The following COBLL1 variants were observed in gnomAD, a reference collection of about 807,000 sequenced individuals.
The protein encoded by COBLL1 is cordon-bleu protein-like 1.
Under a neutral mutation model 94.8 loss-of-function variants are expected in COBLL1, and 50 were observed. The observed-to-expected ratio is 0.53, with a 90% CI of 0.42 to 0.67. The LOEUF is 0.67. COBLL1 is among the 30% of genes least tolerant of loss of function. The probability of loss-of-function intolerance (pLI) is 0.00; values close to 1 mark genes in which losing one functional copy is unlikely to be tolerated. For synonymous variants in COBLL1, 448 were observed against 473.8 expected (o/e 0.95, Z 0.71); for missense variants, 1,362 against 1,348.7 (o/e 1.01, Z -0.15).
chr2:164,663,943 A>C (rs981723775), intron 2 of COBLL1, among the ~76,000 whole-genome samples: 2 of 152,218 alleles, frequency 1.3e-5, no homozygotes, highest in African/African-American at 4.8e-5. Flanking sequence ...TCTAAAATAA[A>C]ATTGAAATTA....
intron 8 of COBLL1, 129 bp from the exon 9 acceptor site, chr2:164,704,647 T>A: frequency 1.4e-6 from 1 of 735,090 alleles, no homozygotes; most frequent in Non-Finnish European, 2.2e-6. Flanking sequence ...TATCTAGCTG[T>A]AAAACACTAA....
chr2:164,773,833 C>A, intron 2 of COBLL1: 3 of 877,832 alleles, frequency 3.4e-6, no homozygotes, highest in South Asian at 2.0e-5. Context: ...AAGCGCCAGG[C>A]ACTTCTTACC....
chr2:164,684,075 C>T lies in COBLL1; in HGVS notation c.*1871G>A, dbSNP rs1002991004. ...CCACTGTTTGATGTTCCTGACAACA[C>T]TTGCTATTTTGAAACTTCCGTTTTT... On this transcript the variant is annotated 3_prime_UTR_variant, in exon 14 of 14. Transcript: ENST00000652658. 6.6e-6 allele frequency: 1 copy of T among 152,134 alleles called. No homozygotes were observed. The highest frequency in any genetic ancestry group is 2.4e-5 in the African/African-American group (1 of 41,446). 9.4% of individuals were successfully genotyped at this position (152,134 alleles called of 1,614,324 possible). A position where few individuals can be genotyped will look rare whatever the true frequency, so the allele number is the denominator to read the frequency against.
At chr2:164,816,291 T>G (rs1411636991) in intron 2 of COBLL1, among the ~76,000 whole-genome samples, 1 of 152,018 alleles carries the variant, frequency 6.6e-6, no homozygotes, top group Admixed American at 6.6e-5. Flanking sequence ...AACTCCCCAG[T>G]CTTCAGAAGC....
chr2:164,731,848 T>C (rs1414936410), intron 3 of COBLL1, among the ~76,000 whole-genome samples: 1 of 152,230 alleles, frequency 6.6e-6, no homozygotes, highest in Non-Finnish European at 1.5e-5. Flanking sequence ...CCTGTTTTCA[T>C]ACGGCACGTC....
At chr2:164,725,985 A>T (rs1685706516) in intron 5 of COBLL1, among the ~76,000 whole-genome samples, 1 of 152,216 alleles carries the variant, frequency 6.6e-6, no homozygotes, top group African/African-American at 2.4e-5. Flanking sequence ...GGGTAGTGAC[A>T]GCATTTGGAT....
intron 2 of COBLL1, among the ~76,000 whole-genome samples, chr2:164,658,473 G>A (rs946616891): frequency 1.3e-5 from 2 of 152,126 alleles, no homozygotes; most frequent in African/African-American, 4.8e-5. Context: ...TTTGAAGAAC[G>A]ATTTGTAGTT....
At chr2:164,717,450 G>A (rs775730726) in intron 7 of COBLL1, among the ~76,000 whole-genome samples, 5 of 152,164 alleles carry the variant, frequency 3.3e-5, no homozygotes, top group Admixed American at 6.5e-5. Context: ...TTTAAAACAA[G>A]CAAGCAGTGA....
At chr2:164,728,334 C>A in intron 4 of COBLL1, 137 bp from the exon 5 acceptor site, 1 of 595,536 alleles carries the variant, frequency 1.7e-6, no homozygotes, top group South Asian at 2.4e-5. Flanking sequence ...GTGTGAAATT[C>A]TCTTTTTGAT....
At chr2:164,826,899 T>TAC (rs1685456600) in intron 2 of COBLL1, among the ~76,000 whole-genome samples, 1 of 151,524 alleles carries the variant, frequency 6.6e-6, no homozygotes, top group Non-Finnish European at 1.5e-5. Flanking sequence ...TTGTTTCGTT[T>TAC]TTTTTTTTGT....
chr2:164,672,366 C>T (rs13389219), intron 1 of COBLL1, among the ~76,000 whole-genome samples: 69,491 of 152,052 alleles, frequency 0.46, 18,339 homozygotes, highest in African/African-American at 0.73. Context: ...AGAATCTAGA[C>T]TTCAAGAAAG....
chr2:164,778,372 CG>C (rs1688573313), intron 2 of COBLL1, among the ~76,000 whole-genome samples: 1 of 152,120 alleles, frequency 6.6e-6, no homozygotes, highest in South Asian at 2.1e-4. Context: ...TTTGGGAGGC[CG>C]GGGCAGGCAG....
intron 2 of COBLL1, among the ~76,000 whole-genome samples, chr2:164,814,227 C>T (rs937665538): frequency 3.9e-5 from 6 of 152,036 alleles, no homozygotes; most frequent in South Asian, 2.1e-4. Context: ...TCTGATAAAT[C>T]GGGACAAAGA....
intron 7 of COBLL1, among the ~76,000 whole-genome samples, chr2:164,715,350 T>C (rs963842271): frequency 3.9e-5 from 6 of 152,150 alleles, no homozygotes; most frequent in African/African-American, 1.4e-4. Context: ...CCTAGGCAAT[T>C]GTAGAATTAT....
chr2:164,664,801 T>G (rs1411837579), intron 2 of COBLL1, among the ~76,000 whole-genome samples: 1 of 152,220 alleles, frequency 6.6e-6, no homozygotes, highest in East Asian at 1.9e-4. Flanking sequence ...ATGTTCTTAG[T>G]GACACAAAAC....
In COBLL1 at chr2:164,808,946, T is replaced by C. The variant is rs140639783; in HGVS notation, c.41+32210A>G. ...TTTTTATAGCCAAACAATGTGGTAC[T>C]TTCTACAGCATTCACTAAATACTCT... is the stretch of plus-strand genomic sequence containing the variant. On this transcript the variant is annotated intron_variant, in intron 2 of 13. Transcript: ENST00000652658. Among the ~76,000 whole-genome samples the C allele has an allele frequency of 3.7e-4, 56 of 152,256 alleles. 1 individual carries two copies. The East Asian group carries it at 9.8e-3, about 27-fold the overall frequency.
chr2:164,837,677 T>C (rs1204180340), intron 2 of COBLL1, among the ~76,000 whole-genome samples: 5 of 146,312 alleles, frequency 3.4e-5, no homozygotes, highest in East Asian at 3.9e-4. Context: ...ATGTATAGTA[T>C]ACATAAAATA....
chr2:164,709,850 T>A (rs1684794535), intron 7 of COBLL1, among the ~76,000 whole-genome samples: 1 of 152,332 alleles, frequency 6.6e-6, no homozygotes, highest in East Asian at 1.9e-4. Context: ...TGGTTAAAAC[T>A]TATTAAAGTT....
intron 2 of COBLL1, among the ~76,000 whole-genome samples, chr2:164,746,924 C>A (rs1427146051): frequency 1.3e-5 from 2 of 152,148 alleles, no homozygotes; most frequent in African/African-American, 4.8e-5. Flanking sequence ...TAATGAGCAA[C>A]ATACTTATGT....
Sources: gnomAD v4.1 joint callset for allele counts (sites outside exome capture counted in the v4.1 genomes callset) on GRCh38, gnomAD v4.1.1 for gene constraint, MANE v1.5 for transcripts, NCBI Gene and HGNC (gene_info 2026-07-23, HGNC 2026-07-21) for gene names.